Variants in HOMER1 observed in about 807,000 individuals in gnomAD.
The protein encoded by HOMER1 is homer scaffold protein 1, also known as homer protein homolog 1.
HOMER1 carries 3 observed loss-of-function variants against 48.9 expected under a neutral mutation model. The ratio of observed to expected loss-of-function variants is 0.06; its 90% CI spans 0.03 to 0.16. The LOEUF is 0.16. Ranked by LOEUF, HOMER1 falls within the 10% of genes least tolerant of loss-of-function variation. The pLI is 1.00. For synonymous variants in HOMER1, 134 were observed against 146.4 expected, an observed-to-expected ratio of 0.92 and a Z score of 0.61; for missense variants, 247 against 411.4, an observed-to-expected ratio of 0.60 and a Z score of 3.46.
At chr5:79,491,954 T>A (rs1253453577) in intron 1 of HOMER1, among the ~76,000 whole-genome samples, 1 of 152,194 alleles carries the variant, frequency 6.6e-6, no homozygotes, top group African/African-American at 2.4e-5. Flanking sequence ...CTAATTTAAA[T>A]GTAGCCACTA....
At position 79,500,952 on chromosome 5, in the gene HOMER1, T is replaced by TGTGTGA. The variant is rs750225307; in HGVS notation, c.5+11817_5+11818insTCACAC. Among the ~76,000 whole-genome samples the TGTGTGA allele has an allele frequency of 0.023, 2,536 of 108,572 alleles. 91 individuals are homozygous for TGTGTGA. In the East Asian group the frequency reaches 0.27, roughly 11 times the overall value. 71.2% of individuals were successfully genotyped at this position (108,572 alleles called of 152,430 possible). A position where few individuals can be genotyped will look rare whatever the true frequency, so the allele number is the denominator to read the frequency against. On this transcript the variant is annotated intron_variant, in intron 1 of 8. Coordinates refer to ENST00000334082, the MANE Select transcript of HOMER1 (RefSeq NM_004272.5). Reference sequence around the variant, plus strand: ...TTGTGTGTGTGTGTGTGTGTGTGTGTGAGACAGACAGACACACACACACAC... The same window carrying TGTGTGA: ...TTGTGTGTGTGTGTGTGTGTGTGTGTGTGTGAGAGACAGACAGACACACACACACAC...
At chr5:79,419,289 C>T (rs1404289930) in intron 5 of HOMER1, among the ~76,000 whole-genome samples, 1 of 152,168 alleles carries the variant, frequency 6.6e-6, no homozygotes, top group African/African-American at 2.4e-5. Flanking sequence ...TTACTATTAA[C>T]ATTTGCTAGA....
intron 8 of HOMER1, among the ~76,000 whole-genome samples, chr5:79,384,552 C>A (rs1314844703): frequency 1.3e-5 from 2 of 152,090 alleles, no homozygotes; most frequent in African/African-American, 4.8e-5. Context: ...GGCTTCACTG[C>A]CAAATTCTAC....
intron 1 of HOMER1, among the ~76,000 whole-genome samples, chr5:79,467,295 G>A (rs1309605203): frequency 1.3e-5 from 2 of 149,576 alleles, no homozygotes; most frequent in Non-Finnish European, 3.0e-5. Flanking sequence ...GGAGGCTGAG[G>A]CAGGAGAATG....
chr5:79,376,727 G>A (rs1361476229), intron 8 of HOMER1, among the ~76,000 whole-genome samples: 1 of 152,120 alleles, frequency 6.6e-6, no homozygotes, highest in African/African-American at 2.4e-5. Flanking sequence ...TCAAATAAAT[G>A]TATATGTAGA....
At chr5:79,505,801 A>G (rs962432325) in intron 1 of HOMER1, among the ~76,000 whole-genome samples, 1 of 152,224 alleles carries the variant, frequency 6.6e-6, no homozygotes, top group Non-Finnish European at 1.5e-5. Flanking sequence ...TACAAGACAG[A>G]AAACAATGAC....
At chr5:79,483,753 TAA>T (rs70975754) in intron 1 of HOMER1, among the ~76,000 whole-genome samples, 187 of 133,792 alleles carry the variant, frequency 1.4e-3, no homozygotes, top group East Asian at 6.1e-3. Context: ...ACCGTTTAAG[TAA>T]AAAAAAAAAA....
At chr5:79,504,812 C>A (rs528741990) in intron 1 of HOMER1, among the ~76,000 whole-genome samples, 1 of 152,242 alleles carries the variant, frequency 6.6e-6, no homozygotes, top group Admixed American at 6.5e-5. Flanking sequence ...CAACTATCGG[C>A]CTAATTGCTA....
chr5:79,386,666 C>T (rs748824620), intron 8 of HOMER1, among the ~76,000 whole-genome samples: 1 of 152,056 alleles, frequency 6.6e-6, no homozygotes, highest in Non-Finnish European at 1.5e-5. Flanking sequence ...GAGCTGAATA[C>T]CTCGAACACC....
intron 5 of HOMER1, among the ~76,000 whole-genome samples, chr5:79,424,968 A>T (rs538608090): frequency 6.6e-6 from 1 of 152,084 alleles, no homozygotes; most frequent in Non-Finnish European, 1.5e-5. Context: ...GATAGCTTAA[A>T]TGCTATCTAG....
rs149232454 is a variant in HOMER1 at position 79,407,241 on chromosome 5, A to G, written c.528-5186T>C. On this transcript the variant is annotated intron_variant, in intron 5 of 8. Coordinates refer to ENST00000334082, the MANE Select transcript of HOMER1 (RefSeq NM_004272.5). The stretch of plus-strand genomic sequence containing the variant: ...GTCATACCCATTTCTAGGAGGAAAT[A>G]GTGTTCATCATTACTGTCCTCCACA... 2.9e-3 allele frequency among the ~76,000 whole-genome samples: 445 copies of G among 152,182 alleles called. 2 individuals are homozygous for G. Among genetic ancestry groups the G allele is most frequent in the African/African-American group, 0.01 (428 of 41,554 alleles).
chr5:79,379,409 TTTATATATTTTATATA>T (rs1748901482), intron 8 of HOMER1, among the ~76,000 whole-genome samples: 1 of 118,286 alleles, frequency 8.5e-6, no homozygotes, highest in Non-Finnish European at 1.6e-5. Context: ...TATTTATATA[TTTATATATTTTATATA>T]TTATATATTT....
chr5:79,459,437 GCTTT>G (rs1368827648), intron 1 of HOMER1, among the ~76,000 whole-genome samples: 4 of 151,956 alleles, frequency 2.6e-5, no homozygotes, highest in African/African-American at 9.7e-5. Context: ...TAAATACATA[GCTTT>G]CTTTAATTCT....
chr5:79,489,532 G>C (rs938906406), intron 1 of HOMER1, among the ~76,000 whole-genome samples: 1 of 151,930 alleles, frequency 6.6e-6, no homozygotes, highest in African/African-American at 2.4e-5. Context: ...ACTCCAGCCT[G>C]GGCGACAGAG....
Position 79,457,014 on chromosome 5 carries a change from G to C in HOMER1, c.10C>G (p.Gln4Glu). 6.2e-7 allele frequency: 1 copy of C among 1,614,006 alleles called. No individual in the cohort carries two copies. Among genetic ancestry groups the C allele is most frequent in the South Asian group, 1.1e-5 (1 of 91,076 alleles). ...TGAGCTCGAGTGCTGAAGATAGGTT[G>C]TTCCCTGCAGGGCAGAAAAGAAAAT... is the stretch of plus-strand genomic sequence containing the variant. Reference protein sequence around the residue: MGEQPIFSTRAHVF... With the variant: MGEEPIFSTRAHVF... Residue 4 changes from glutamine (Q) to glutamate (E), a missense_variant, in exon 2 of 9, where the codon CAA becomes GAA. Coordinates refer to ENST00000334082, the MANE Select transcript of HOMER1 (RefSeq NM_004272.5).
chr5:79,463,769 T>C (rs73122368), intron 1 of HOMER1, among the ~76,000 whole-genome samples: 7,805 of 152,178 alleles, frequency 0.051, 264 homozygotes, highest in Middle Eastern at 0.082. Context: ...TTTAAAATTG[T>C]AGAACCAACA....
chr5:79,417,033 A>T (rs1425281638), intron 5 of HOMER1, among the ~76,000 whole-genome samples: 2 of 152,196 alleles, frequency 1.3e-5, no homozygotes, highest in South Asian at 2.1e-4. Flanking sequence ...CTAGTTCCTA[A>T]GTGAGAAGAA....
At chr5:79,486,836 T>G (rs1752116686) in intron 1 of HOMER1, among the ~76,000 whole-genome samples, 2 of 152,232 alleles carry the variant, frequency 1.3e-5, no homozygotes, top group Admixed American at 6.5e-5. Flanking sequence ...ACTATTGAGT[T>G]TTAAGCAAGG....
At chr5:79,393,744 T>C (rs1480538979) in intron 8 of HOMER1, among the ~76,000 whole-genome samples, 4 of 152,202 alleles carry the variant, frequency 2.6e-5, no homozygotes. Flanking sequence ...ATTATTTATT[T>C]ATAGCATAAC....
Sources: gnomAD v4.1 joint callset for allele counts (sites outside exome capture counted in the v4.1 genomes callset) on GRCh38, gnomAD v4.1.1 for gene constraint, MANE v1.5 for transcripts, NCBI Gene and HGNC (gene_info 2026-07-23, HGNC 2026-07-21) for gene names.